ST8SIA2: variants seen among roughly 807,000 people sequenced by gnomAD.
ST8SIA2 encodes the protein ST8 alpha-N-acetyl-neuraminide alpha-2,8-sialyltransferase 2, also known as alpha-2,8-sialyltransferase 8B.
In ST8SIA2, 22 loss-of-function variants were observed where a neutral mutation model predicts 37.6. The ratio of observed to expected loss-of-function variants is 0.58; its 90% CI spans 0.42 to 0.83. The LOEUF is 0.83. Among genes scored for constraint, ST8SIA2 ranks in the 40% least tolerant of loss-of-function variants. ST8SIA2 has a pLI of 0.00. For synonymous variants in ST8SIA2, 205 were observed against 201.2 expected, an observed-to-expected ratio of 1.02 and a Z score of -0.16; for missense variants, 382 against 484.7, an observed-to-expected ratio of 0.79 and a Z score of 1.99.
intron 1 of ST8SIA2, among the ~76,000 whole-genome samples, chr15:92,409,315 C>T (rs2049532467): frequency 6.6e-6 from 1 of 152,138 alleles, no homozygotes; most frequent in Admixed American, 6.5e-5. Context: ...CTTAATGGTA[C>T]CTAATCTTAC....
At chr15:92,435,240 G>A (rs2141831885) in intron 3 of ST8SIA2, among the ~76,000 whole-genome samples, 1 of 152,258 alleles carries the variant, frequency 6.6e-6, no homozygotes, top group Non-Finnish European at 1.5e-5. Flanking sequence ...CACATAGATG[G>A]AAATAAACAG....
At chr15:92,424,031 C>T (rs907915816) in intron 1 of ST8SIA2, among the ~76,000 whole-genome samples, 4 of 152,164 alleles carry the variant, frequency 2.6e-5, no homozygotes, top group Non-Finnish European at 5.9e-5. Context: ...CAGGCATAAA[C>T]CTCAGTGGCT....
In ST8SIA2 at chr15:92,397,629, G is replaced by T. The variant is rs539669477; in HGVS notation, c.98+3467G>T. On this transcript the variant is annotated intron_variant, in intron 1 of 5. Transcript: ENST00000268164. ...CACTCCCAAGTTTTAGATCCAATTCGACCAAGTTGTAAGCTAAAATCTTCT... is the reference window on the plus strand; with the variant it reads ...CACTCCCAAGTTTTAGATCCAATTCTACCAAGTTGTAAGCTAAAATCTTCT... 1.4e-4 allele frequency among the ~76,000 whole-genome samples: 21 copies of T among 152,236 alleles called. No individual in the cohort carries two copies. The South Asian group carries it at 4.4e-3, about 32-fold the overall frequency.
At chr15:92,454,600 T>C (rs553291631) in intron 5 of ST8SIA2, among the ~76,000 whole-genome samples, 1 of 151,078 alleles carries the variant, frequency 6.6e-6, no homozygotes, top group African/African-American at 2.4e-5. Context: ...AGGCAGTGAG[T>C]AGGGAGAGGG....
intron 1 of ST8SIA2, among the ~76,000 whole-genome samples, chr15:92,416,313 TGA>T (rs2049586456): frequency 6.7e-6 from 1 of 149,060 alleles, no homozygotes; most frequent in Non-Finnish European, 1.5e-5. Flanking sequence ...TGCCATTCCC[TGA>T]GAGGACACCG....
intron 1 of ST8SIA2, among the ~76,000 whole-genome samples, chr15:92,394,900 C>G (rs1193386475): frequency 6.6e-6 from 1 of 152,164 alleles, no homozygotes; most frequent in East Asian, 1.9e-4. Context: ...TACCGCCGCC[C>G]GGTGGGCTTC....
At chr15:92,396,951 G>C (rs1015136926) in intron 1 of ST8SIA2, among the ~76,000 whole-genome samples, 7 of 152,194 alleles carry the variant, frequency 4.6e-5, no homozygotes, top group African/African-American at 1.4e-4. Flanking sequence ...ATCATACTCA[G>C]GCACAAGAGG....
intron 1 of ST8SIA2, among the ~76,000 whole-genome samples, chr15:92,427,287 A>G (rs1441703691): frequency 6.6e-6 from 1 of 150,804 alleles, no homozygotes; most frequent in Non-Finnish European, 1.5e-5. Flanking sequence ...AAAAGCAAAG[A>G]TTAATGCATC....
intron 1 of ST8SIA2, among the ~76,000 whole-genome samples, chr15:92,413,782 C>A (rs140368222): frequency 2.0e-5 from 3 of 152,228 alleles, no homozygotes; most frequent in African/African-American, 7.2e-5. Context: ...GAGCGGCAGA[C>A]AATCCCTTTT....
At chr15:92,457,493 T>C (rs2141849532) in intron 5 of ST8SIA2, among the ~76,000 whole-genome samples, 1 of 152,310 alleles carries the variant, frequency 6.6e-6, no homozygotes, top group East Asian at 1.9e-4. Flanking sequence ...TGGCTTCTAA[T>C]TAAAATCTCA....
intron 2 of ST8SIA2, 131 bp from the exon 3 acceptor site, chr15:92,434,116 C>T: frequency 8.0e-7 from 1 of 1,255,284 alleles, no homozygotes; most frequent in Non-Finnish European, 1.1e-6. Flanking sequence ...CTTCTCTTCT[C>T]AGGTAATAAC....
intron 1 of ST8SIA2, among the ~76,000 whole-genome samples, chr15:92,398,595 G>A (rs2049448911): frequency 6.6e-6 from 1 of 152,234 alleles, no homozygotes; most frequent in Admixed American, 6.5e-5. Flanking sequence ...AGCTCTGTGA[G>A]CCAGATGCTA....
intron 5 of ST8SIA2, among the ~76,000 whole-genome samples, chr15:92,451,815 G>A (rs1273057205): frequency 6.6e-6 from 1 of 152,076 alleles, no homozygotes; most frequent in Non-Finnish European, 1.5e-5. Flanking sequence ...ACTTGCACAA[G>A]ATCCCACGGC....
intron 1 of ST8SIA2, among the ~76,000 whole-genome samples, chr15:92,408,677 TTTTATTTATTTATTTATTTATTTA>T (rs58508323): frequency 1.8e-4 from 22 of 123,080 alleles, no homozygotes; most frequent in East Asian, 8.9e-4. Flanking sequence ...GTTCCATTTT[TTTTATTTATTTATTTATTTATTTA>T]TTTATTTATT....
chr15:92,446,356 G>A (rs1029187987), intron 5 of ST8SIA2, among the ~76,000 whole-genome samples: 1 of 152,194 alleles, frequency 6.6e-6, no homozygotes, highest in Admixed American at 6.5e-5. Flanking sequence ...AGAGACCAAG[G>A]CAGAAGCTGC....
chr15:92,434,558 C>T lies in ST8SIA2; in HGVS notation c.290+183C>T, dbSNP rs568121681. On this transcript the variant is annotated intron_variant, in intron 3 of 5. Coordinates refer to ENST00000268164, the MANE Select transcript of ST8SIA2 (RefSeq NM_006011.4). ...ACCCGAGACAAGCCTAGCGGCCCAG[C>T]CTGTGTATGTGGCGACTGGGGCCAG... Among the ~76,000 whole-genome samples, 240 of 151,772 alleles carry T rather than the reference C, an allele frequency of 1.6e-3. 1 individual carries two copies. Among genetic ancestry groups the T allele is most frequent in the African/African-American group, 5.6e-3 (229 of 41,068 alleles).
chr15:92,464,784 C>A lies in ST8SIA2; in HGVS notation c.*399C>A, dbSNP rs558125404. 33 of 239,152 alleles carry A rather than the reference C, an allele frequency of 1.4e-4. No homozygotes were observed. The highest frequency in any genetic ancestry group is 7.5e-4 in the African/African-American group (33 of 43,870). 14.8% of individuals were successfully genotyped at this position (239,152 alleles called of 1,614,324 possible). A position where few individuals can be genotyped will look rare whatever the true frequency, so the allele number is the denominator to read the frequency against. On this transcript the variant is annotated 3_prime_UTR_variant, in exon 6 of 6. Coordinates refer to ENST00000268164, the MANE Select transcript of ST8SIA2 (RefSeq NM_006011.4). ...TGGCGAGCCACCTGTTGTCAGCTGC[C>A]CCAAGCCTCTGGGATATGTGGATTC...
At position 92,464,095 on chromosome 15, in the gene ST8SIA2, T is replaced by TTTTTTG; in HGVS notation, c.843-5_843-4insTTTTTG. 6.6e-7 allele frequency: 1 copy of TTTTTTG among 1,517,000 alleles called. No individual in the cohort carries two copies. Among genetic ancestry groups the TTTTTTG allele is most frequent in the Non-Finnish European group, 8.8e-7 (1 of 1,136,584 alleles). 94.0% of individuals were successfully genotyped at this position (1,517,000 alleles called of 1,614,324 possible). A position where few individuals can be genotyped will look rare whatever the true frequency, so the allele number is the denominator to read the frequency against. The stretch of plus-strand genomic sequence containing the variant: ...TTCTTTTTTTTTTTTTTTTTTTTTT[T>TTTTTTG]CCAGATACTGGCTGACCAACAAAGT... On this transcript the variant is annotated splice_polypyrimidine_tract_variant and splice_region_variant and intron_variant, in intron 5 of 5. Coordinates refer to ENST00000268164, the MANE Select transcript of ST8SIA2 (RefSeq NM_006011.4).
At chr15:92,430,221 C>A in intron 2 of ST8SIA2, 110 bp downstream of exon 2, 1 of 1,129,794 alleles carries the variant, frequency 8.9e-7, no homozygotes, top group Non-Finnish European at 1.3e-6. Flanking sequence ...AGATCTGTTT[C>A]GTTTCACTTT....
Sources: gnomAD v4.1 joint callset for allele counts (sites outside exome capture counted in the v4.1 genomes callset) on GRCh38, gnomAD v4.1.1 for gene constraint, MANE v1.5 for transcripts, NCBI Gene and HGNC (gene_info 2026-07-23, HGNC 2026-07-21) for gene names.